The following CYP2U1 variants were observed in gnomAD, a reference collection of about 807,000 sequenced individuals.
The protein encoded by CYP2U1 is cytochrome P450 family 2 subfamily U member 1, also known as cytochrome P450 2U1.
Under a neutral mutation model 42.8 loss-of-function variants are expected in CYP2U1, and 28 were observed. The ratio of observed to expected loss-of-function variants is 0.65; its 90% CI spans 0.48 to 0.90. CYP2U1 has a LOEUF of 0.90. Ranked by LOEUF, CYP2U1 falls within the 40% of genes least tolerant of loss-of-function variation. CYP2U1 has a pLI of 0.00. For missense variants in CYP2U1, 642 were observed against 693.8 expected (o/e 0.93, Z 0.84); for synonymous variants, 296 against 278.9 (o/e 1.06, Z -0.61).
rs1733667418 is a variant in CYP2U1, at chr4:107,945,494, G to A, written c.1015G>A (p.Glu339Lys). 1.2e-6 allele frequency: 2 copies of A among 1,613,962 alleles called. No homozygotes were observed. The highest frequency in any genetic ancestry group is 1.3e-5 in the African/African-American group (1 of 74,920). ...RKNNSNSSFD[E>K]EYLFYIIGDL... Reference sequence around the variant, plus strand: ...AAATAATAGTAACAGCAGTTTTGATGAAGAGTACTTATTTTATATCATTGG... The same window carrying A: ...AAATAATAGTAACAGCAGTTTTGATAAAGAGTACTTATTTTATATCATTGG... The change falls in exon 2 of 5, where the codon GAA (glutamate) becomes AAA (lysine). Residue 339 changes from glutamate to lysine, a missense_variant. By Grantham distance (56) the Glu-to-Lys change is moderately conservative. Transcript: ENST00000332884.
rs982965976 is a variant in CYP2U1 at position 107,953,075 on chromosome 4, T to G, written c.*2652T>G. The G allele has an allele frequency of 6.6e-6, 1 of 152,200 alleles. No individual in the cohort carries two copies. Among genetic ancestry groups the G allele is most frequent in the African/African-American group, 2.4e-5 (1 of 41,448 alleles). The allele number at this position is 152,200 out of a possible 1,614,324, so 9.4% of individuals were successfully genotyped here. ...GGGAGAGTTTGTTCTTGATATGGAA[T>G]TCATATGCTTTTGAATTGCACTAAT... On this transcript the variant is annotated 3_prime_UTR_variant, in exon 5 of 5. Transcript: ENST00000332884.
intron 2 of CYP2U1, 61 bp downstream of exon 2, chr4:107,945,666 A>T: frequency 6.6e-7 from 1 of 1,513,926 alleles, no homozygotes; most frequent in Non-Finnish European, 8.8e-7. Context: ...GAGGATTAGC[A>T]ACCTCAGTGA....
At position 107,952,431 on chromosome 4, in the gene CYP2U1, A is replaced by G. The variant is rs531951858; in HGVS notation, c.*2008A>G. On this transcript the variant is annotated 3_prime_UTR_variant, in exon 5 of 5. Coordinates refer to ENST00000332884, the MANE Select transcript of CYP2U1 (RefSeq NM_183075.3). ...ACTGACTTTCCTAAAGGAGAGAAGC[A>G]GCTACGCTGTTCATACTGATAGAGA... 1.3e-5 allele frequency: 2 copies of G among 152,406 alleles called. No individual in the cohort carries two copies. Among genetic ancestry groups the G allele is most frequent in the African/African-American group, 4.8e-5 (2 of 41,598 alleles). 9.4% of individuals were successfully genotyped at this position (152,406 alleles called of 1,614,324 possible). A position where few individuals can be genotyped will look rare whatever the true frequency, so the allele number is the denominator to read the frequency against.
chr4:107,948,589 A>ATC lies in CYP2U1; in HGVS notation c.1289-761_1289-760insTC, dbSNP rs1560703261. On this transcript the variant is annotated intron_variant, in intron 3 of 4. Transcript: ENST00000332884. ...GACAGCCTGTCTCAATAATAATAAT[A>ATC]ATAATCATCATCATCATCATCATAG... 5.8e-3 allele frequency among the ~76,000 whole-genome samples: 869 copies of ATC among 148,608 alleles called. 7 individuals are homozygous for ATC. The highest frequency in any genetic ancestry group is 0.021 in the African/African-American group (809 of 38,870).
chr4:107,952,954 T>C lies in CYP2U1; in HGVS notation c.*2531T>C, dbSNP rs1304102614. On this transcript the variant is annotated 3_prime_UTR_variant, in exon 5 of 5. Coordinates refer to ENST00000332884, the MANE Select transcript of CYP2U1 (RefSeq NM_183075.3). ...TTTTTGCTTTTTGAAAAAGAAAAGCTAATAGCCTAACTGCAGAGGAACTGA... is the reference window on the plus strand; with the variant it reads ...TTTTTGCTTTTTGAAAAAGAAAAGCCAATAGCCTAACTGCAGAGGAACTGA... 1 of 152,192 alleles carries C rather than the reference T, an allele frequency of 6.6e-6. No homozygotes were observed. The highest frequency in any genetic ancestry group is 1.5e-5 in the Non-Finnish European group (1 of 68,030). 9.4% of individuals were successfully genotyped at this position (152,192 alleles called of 1,614,324 possible). A position where few individuals can be genotyped will look rare whatever the true frequency, so the allele number is the denominator to read the frequency against.
In CYP2U1 at chr4:107,950,417, G is replaced by T; in HGVS notation, c.1629G>T (p.Arg543Ser). The change falls in exon 5 of 5, where the codon AGG becomes AGT. Residue 543 changes from arginine (R) to serine (S), a missense_variant. By Grantham distance (110) the Arg-to-Ser change is moderately radical (BLOSUM62 -1). Coordinates refer to ENST00000332884, the MANE Select transcript of CYP2U1 (RefSeq NM_183075.3). ...ATCCATTTAATATAACTATTTCAAG[G>T]AGATGAAGAGCATCTCCAAGAAGAG... ...APHPFNITIS[R>S]R 1.2e-6 allele frequency: 2 copies of T among 1,602,568 alleles called. No homozygotes were observed. Among genetic ancestry groups the T allele is most frequent in the Non-Finnish European group, 8.5e-7 (1 of 1,177,172 alleles).
At chr4:107,944,452 T>C (rs1041275457) in intron 1 of CYP2U1, among the ~76,000 whole-genome samples, 2 of 151,300 alleles carry the variant, frequency 1.3e-5, no homozygotes, top group Non-Finnish European at 2.9e-5. Flanking sequence ...TACAGATGCA[T>C]GCCACCACAC....
intron 3 of CYP2U1, 83 bp from the exon 4 acceptor site, chr4:107,949,266 AT>A (rs151162882): frequency 3.1e-4 from 394 of 1,276,066 alleles, no homozygotes; most frequent in South Asian, 7.0e-4. Flanking sequence ...ATATAACTAC[AT>A]TTTTTTTTCA....
At position 107,947,374 on chromosome 4, in the gene CYP2U1, A is replaced by G. The variant is rs1317081029; in HGVS notation, c.1127-2A>G. The G allele has an allele frequency of 6.2e-7, 1 of 1,613,816 alleles. No homozygotes were observed. Among genetic ancestry groups the G allele is most frequent in the Non-Finnish European group, 8.5e-7 (1 of 1,179,868 alleles). On this transcript the variant is annotated splice_acceptor_variant, in intron 2 of 4. Coordinates refer to ENST00000332884, the MANE Select transcript of CYP2U1 (RefSeq NM_183075.3). LOFTEE classifies it high-confidence loss of function. Reference sequence around the variant, plus strand: ...CTGGTTTATTTTTCCCTTTTTACATAGAAAAGGTTCATGAAGAAATTGAAA... The same window carrying G: ...CTGGTTTATTTTTCCCTTTTTACATGGAAAAGGTTCATGAAGAAATTGAAA...
chr4:107,947,586 C>G (rs753730700), intron 3 of CYP2U1, 49 bp downstream of exon 3: 43 of 1,595,286 alleles, frequency 2.7e-5, no homozygotes, highest in Non-Finnish European at 3.6e-5. Context: ...AAGCAGGGCC[C>G]TCTAATCCAG....
At chr4:107,935,504 G>A (rs894376874) in intron 1 of CYP2U1, 1 of 152,108 alleles carries the variant, frequency 6.6e-6, no homozygotes, top group East Asian at 1.9e-4. Context: ...AGAACCATAT[G>A]GCATGAAGTA....
chr4:107,935,037 A>G (rs1453729227), intron 1 of CYP2U1, among the ~76,000 whole-genome samples: 1 of 152,256 alleles, frequency 6.6e-6, no homozygotes, highest in African/African-American at 2.4e-5. Context: ...ATAGAGAACC[A>G]AAAGATGAAT....
intron 1 of CYP2U1, among the ~76,000 whole-genome samples, chr4:107,943,974 AGTT>A (rs1446176650): frequency 3.9e-5 from 6 of 152,216 alleles, no homozygotes; most frequent in Non-Finnish European, 8.8e-5. Flanking sequence ...AATAGGATGT[AGTT>A]GTGGATGACC....
chr4:107,935,117 C>G (rs771124385), intron 1 of CYP2U1, among the ~76,000 whole-genome samples: 1 of 152,136 alleles, frequency 6.6e-6, no homozygotes, highest in Non-Finnish European at 1.5e-5. Flanking sequence ...GTGTGTCTGT[C>G]TCTTCCTCTG....
At chr4:107,949,578 T>C (rs1014904062) in intron 4 of CYP2U1, 61 bp downstream of exon 4, 6 of 1,290,346 alleles carry the variant, frequency 4.6e-6, no homozygotes, top group Middle Eastern at 5.3e-4. Flanking sequence ...AATAATATTT[T>C]ATTATTTCAT....
chr4:107,940,844 G>A (rs76358207), intron 1 of CYP2U1: 1 of 152,114 alleles, frequency 6.6e-6, no homozygotes, highest in African/African-American at 2.4e-5. Context: ...TCTCAGAATA[G>A]TATGTTAGAT....
At chr4:107,947,286 G>T in intron 2 of CYP2U1, 90 bp from the exon 3 acceptor site, 1 of 1,124,804 alleles carries the variant, frequency 8.9e-7, no homozygotes, top group East Asian at 2.5e-5. Flanking sequence ...GACCAGTTAT[G>T]CATTAGTGGT....
chr4:107,953,109 A>T lies in CYP2U1; in HGVS notation c.*2686A>T, dbSNP rs531912264. The T allele has an allele frequency of 1.3e-5, 2 of 152,220 alleles. No individual in the cohort carries two copies. The highest frequency in any genetic ancestry group is 2.9e-5 in the Non-Finnish European group (2 of 68,038). The allele number at this position is 152,220 out of a possible 1,614,324, so 9.4% of individuals were successfully genotyped here. ...TTTTGAATTGCACTAATAACTCAGCATTAACAAGTATATTACTCCTTAAAT... is the reference window on the plus strand; with the variant it reads ...TTTTGAATTGCACTAATAACTCAGCTTTAACAAGTATATTACTCCTTAAAT... On this transcript the variant is annotated 3_prime_UTR_variant, in exon 5 of 5. Coordinates refer to ENST00000332884, the MANE Select transcript of CYP2U1 (RefSeq NM_183075.3).
rs920026463 is a variant in CYP2U1, at chr4:107,953,049, C to T, written c.*2626C>T. The T allele has an allele frequency of 2.6e-5, 4 of 152,028 alleles. No homozygotes were observed. Among genetic ancestry groups the T allele is most frequent in the African/African-American group, 4.8e-5 (2 of 41,388 alleles). The allele number at this position is 152,028 out of a possible 1,614,324, so 9.4% of individuals were successfully genotyped here. Reference sequence around the variant, plus strand: ...AGTGTGGATTACACTGTACCTTGGGCGGGAGAGTTTGTTCTTGATATGGAA... The same window carrying T: ...AGTGTGGATTACACTGTACCTTGGGTGGGAGAGTTTGTTCTTGATATGGAA... On this transcript the variant is annotated 3_prime_UTR_variant, in exon 5 of 5. Transcript: ENST00000332884.
Sources: gnomAD v4.1 joint callset for allele counts (sites outside exome capture counted in the v4.1 genomes callset) on GRCh38, gnomAD v4.1.1 for gene constraint, MANE v1.5 for transcripts, NCBI Gene and HGNC (gene_info 2026-07-23, HGNC 2026-07-21) for gene names.